The following FAM76B variants were observed in gnomAD, a reference collection of about 807,000 sequenced individuals.
The protein encoded by FAM76B is family with sequence similarity 76 member B, also known as protein FAM76B.
Under a neutral mutation model 51.8 loss-of-function variants are expected in FAM76B, and 16 were observed. That is an observed-to-expected ratio of 0.31 (90% CI 0.21 to 0.47). The LOEUF (loss-of-function observed/expected upper bound fraction) is 0.47, where lower values mean the gene tolerates loss of function less well. Ranked by LOEUF, FAM76B falls within the 20% of genes least tolerant of loss-of-function variation. The probability of loss-of-function intolerance (pLI) is 1.00; values close to 1 mark genes in which losing one functional copy is unlikely to be tolerated. For synonymous variants in FAM76B, 166 were observed against 129.5 expected (o/e 1.28, Z -1.91); for missense variants, 342 against 392.6 (o/e 0.87, Z 1.09).
intron 3 of FAM76B, among the ~76,000 whole-genome samples, chr11:95,787,115 A>C (rs887026182): frequency 1.4e-4 from 21 of 152,384 alleles, no homozygotes; most frequent in African/African-American, 5.0e-4. Context: ...CACTGGATTC[A>C]ATACATGTAA....
intron 7 of FAM76B, 137 bp from the exon 8 acceptor site, chr11:95,779,094 C>T (rs1860138693): frequency 6.3e-7 from 1 of 1,587,456 alleles, no homozygotes; most frequent in Non-Finnish European, 8.5e-7. Context: ...GAAATGGATG[C>T]AACTGGCAAA....
chr11:95,787,814 A>G, intron 2 of FAM76B, 136 bp from the exon 3 acceptor site: 1 of 690,702 alleles, frequency 1.4e-6, no homozygotes, highest in Non-Finnish European at 2.4e-6. Context: ...CAAATATACA[A>G]GGATATTTTC....
intron 5 of FAM76B, among the ~76,000 whole-genome samples, chr11:95,780,651 T>C (rs141750004): frequency 1.4e-4 from 21 of 152,020 alleles, no homozygotes; most frequent in Non-Finnish European, 5.9e-5. Flanking sequence ...AACCCTAGCT[T>C]ATTCACTCAG....
Position 95,789,139 on chromosome 11 carries a change from C to T in FAM76B, c.87+253G>A, listed in dbSNP as rs556514782. On this transcript the variant is annotated intron_variant, in intron 1 of 9. Coordinates refer to ENST00000358780, the MANE Select transcript of FAM76B (RefSeq NM_144664.5). ...CTCACTCAACCCCACTCCTGAGACC[C>T]CCAGACGCTGACGGGGCCCGGCACC... 64 of 1,283,892 alleles carry T rather than the reference C, an allele frequency of 5.0e-5. 1 individual carries two copies. In the Admixed American group the frequency reaches 1.2e-3, roughly 25 times the overall value. 79.5% of individuals were successfully genotyped at this position (1,283,892 alleles called of 1,614,324 possible).
At position 95,779,588 on chromosome 11, in the gene FAM76B, T is replaced by C. The variant is rs752592041; in HGVS notation, c.692+19A>G. 1 of 1,593,794 alleles carries C rather than the reference T, an allele frequency of 6.3e-7. No homozygotes were observed. The highest frequency in any genetic ancestry group is 8.5e-7 in the Non-Finnish European group (1 of 1,169,720). On this transcript the variant is annotated intron_variant, in intron 7 of 9. Coordinates refer to ENST00000358780, the MANE Select transcript of FAM76B (RefSeq NM_144664.5). ...CAACTAAGTTGAATTTTCATAACACTAAAAGAATTCATTTTTACCTATCTC... is the reference window on the plus strand; with the variant it reads ...CAACTAAGTTGAATTTTCATAACACCAAAAGAATTCATTTTTACCTATCTC...
At chr11:95,783,690 G>A (rs955392271) in intron 4 of FAM76B, among the ~76,000 whole-genome samples, 2 of 152,182 alleles carry the variant, frequency 1.3e-5, no homozygotes, top group Non-Finnish European at 2.9e-5. Flanking sequence ...GACACACAGA[G>A]TTGCTTCTCA....
At chr11:95,776,258 T>A (rs1860003265) in intron 8 of FAM76B, among the ~76,000 whole-genome samples, 1 of 151,472 alleles carries the variant, frequency 6.6e-6, no homozygotes, top group African/African-American at 2.4e-5. Flanking sequence ...CTTCTCAGTT[T>A]TCTTTTTTTC....
chr11:95,774,313 T>C lies in FAM76B; in HGVS notation c.930+1609A>G, dbSNP rs554494854. ...AAGTAAGACAGCATATGTAAAATCA[T>C]GTCAAAATGTCCTATTTAAATATTG... On this transcript the variant is annotated intron_variant, in intron 9 of 9. Transcript: ENST00000358780. Among the ~76,000 whole-genome samples the C allele has an allele frequency of 1.5e-3, 233 of 151,506 alleles. 2 individuals carry two copies. The highest frequency in any genetic ancestry group is 5.2e-3 in the African/African-American group (215 of 41,494).
chr11:95,786,522 G>A, intron 3 of FAM76B: 1 of 377,804 alleles, frequency 2.6e-6, no homozygotes, highest in East Asian at 4.5e-5. Context: ...GATTTGCATA[G>A]TCTGTTAGAT....
At position 95,783,914 on chromosome 11, in the gene FAM76B, CA is replaced by C. The variant is rs553501315; in HGVS notation, c.364-651del. On this transcript the variant is annotated intron_variant, in intron 4 of 9. Transcript: ENST00000358780. ...ACCTCTCAGACAAGTATCCTTTTCACAGTCTGTTTAGTGCCATGTTTTTCAA... is the reference window on the plus strand; with the variant it reads ...ACCTCTCAGACAAGTATCCTTTTCACGTCTGTTTAGTGCCATGTTTTTCAA... Among the ~76,000 whole-genome samples, 475 of 152,298 alleles carry C rather than the reference CA, an allele frequency of 3.1e-3. 2 individuals carry two copies. Among genetic ancestry groups the C allele is most frequent in the Non-Finnish European group, 5.8e-3 (397 of 68,026 alleles).
At chr11:95,774,068 A>G (rs1859889554) in intron 9 of FAM76B, among the ~76,000 whole-genome samples, 1 of 151,376 alleles carries the variant, frequency 6.6e-6, no homozygotes, top group Admixed American at 6.6e-5. Flanking sequence ...CAGCTATGAC[A>G]GATTGTCTCT....
At chr11:95,779,750 T>C in intron 6 of FAM76B, 63 bp from the exon 7 acceptor site, 1 of 1,578,256 alleles carries the variant, frequency 6.3e-7, no homozygotes, top group Non-Finnish European at 8.6e-7. Flanking sequence ...AATGATAAGT[T>C]ATTCATCTTC....
rs1357134207 is a variant in FAM76B, at chr11:95,769,542, G to C, written c.*2019C>G. 1.3e-5 allele frequency: 2 copies of C among 152,028 alleles called. No homozygotes were observed. The highest frequency in any genetic ancestry group is 3.0e-5 in the Non-Finnish European group (2 of 67,738). The allele number at this position is 152,028 out of a possible 1,614,324, so 9.4% of individuals were successfully genotyped here. A position where few individuals can be genotyped will look rare whatever the true frequency, so the allele number is the denominator to read the frequency against. On this transcript the variant is annotated 3_prime_UTR_variant, in exon 10 of 10. Transcript: ENST00000358780. ...ACTTTTTAATTTTGATGTTAGCTAA[G>C]GGGAAGGACGAGGACAACTTTCTTT...
At chr11:95,776,958 A>G (rs544922219) in intron 8 of FAM76B, among the ~76,000 whole-genome samples, 5 of 151,234 alleles carry the variant, frequency 3.3e-5, no homozygotes, top group Admixed American at 1.3e-4. Context: ...CTTTTGTCAA[A>G]TTCAAAGTAT....
In FAM76B at chr11:95,771,195, A is replaced by C. The variant is rs1195966448; in HGVS notation, c.*366T>G. 1 of 153,016 alleles carries C rather than the reference A, an allele frequency of 6.5e-6. No homozygotes were observed. 9.5% of individuals were successfully genotyped at this position (153,016 alleles called of 1,614,324 possible). A position where few individuals can be genotyped will look rare whatever the true frequency, so the allele number is the denominator to read the frequency against. ...TGTTTGTCTGAAATTAGCATAGTGT[A>C]AAACAAAAACAAAACAAAAAAACCC... is the stretch of plus-strand genomic sequence containing the variant. On this transcript the variant is annotated 3_prime_UTR_variant, in exon 10 of 10. Transcript: ENST00000358780.
rs532478497 is a variant in FAM76B, at chr11:95,783,625, A to T, written c.364-361T>A. Among the ~76,000 whole-genome samples the T allele has an allele frequency of 2.0e-5, 3 of 152,336 alleles. No homozygotes were observed. The East Asian group carries it at 5.8e-4, about 29-fold the overall frequency. On this transcript the variant is annotated intron_variant, in intron 4 of 9. Coordinates refer to ENST00000358780, the MANE Select transcript of FAM76B (RefSeq NM_144664.5). ...CTTATATCGCTGTGTCATTACTAATAATTTTTCACTACAGTAAGTACTGTA... is the reference window on the plus strand; with the variant it reads ...CTTATATCGCTGTGTCATTACTAATTATTTTTCACTACAGTAAGTACTGTA...
intron 4 of FAM76B, 126 bp downstream of exon 4, chr11:95,785,993 T>A: frequency 5.2e-6 from 6 of 1,152,256 alleles, no homozygotes; most frequent in African/African-American, 1.6e-5. Flanking sequence ...TGCACTTTCA[T>A]CTAACTACTT....
chr11:95,779,326 T>A (rs1027460726), intron 7 of FAM76B: 1 of 512,100 alleles, frequency 2.0e-6, no homozygotes, highest in Non-Finnish European at 3.3e-6. Flanking sequence ...ATTAGATTTG[T>A]GTTTCACTGA....
At chr11:95,782,966 T>C (rs1860354293) in intron 5 of FAM76B, 99 bp downstream of exon 5, 2 of 1,464,008 alleles carry the variant, frequency 1.4e-6, no homozygotes, top group East Asian at 2.3e-5. Context: ...CAATGGAAAC[T>C]AGACTAGCAC....
Sources: allele counts gnomAD v4.1 joint callset (sites outside exome capture counted in the v4.1 genomes callset), GRCh38; gene constraint gnomAD v4.1.1; transcripts MANE v1.5; gene names NCBI Gene and HGNC (gene_info 2026-07-23, HGNC 2026-07-21).